Variants in MB21D2 observed in about 807,000 individuals in gnomAD.
MB21D2 encodes Mab-21 domain containing 2.
Under a neutral mutation model 33.3 loss-of-function variants are expected in MB21D2, and 9 were observed. The observed-to-expected ratio is 0.27, with a 90% confidence interval of 0.16 to 0.47. The LOEUF is 0.47. Among genes scored for constraint, MB21D2 ranks in the 20% least tolerant of loss-of-function variants. MB21D2 has a pLI of 0.99. For synonymous variants in MB21D2, 241 were observed against 236.3 expected (o/e 1.02, Z -0.18); for missense variants, 540 against 624.6 (o/e 0.86, Z 1.44).
intron 1 of MB21D2, among the ~76,000 whole-genome samples, chr3:192,829,996 AG>A (rs1712277579): frequency 1.3e-5 from 2 of 152,102 alleles, no homozygotes; most frequent in Non-Finnish European, 2.9e-5. Flanking sequence ...CCAAGTAGGT[AG>A]GACTACAGGT....
chr3:192,913,817 G>GCAAGATCCTGTCT (rs1434620744), intron 1 of MB21D2, among the ~76,000 whole-genome samples: 3 of 152,114 alleles, frequency 2.0e-5, no homozygotes, highest in Non-Finnish European at 4.4e-5. Context: ...GGGCAACGGA[G>GCAAGATCCTGTCT]CAAGATCCTG....
intron 1 of MB21D2, among the ~76,000 whole-genome samples, chr3:192,805,345 A>G (rs1317031660): frequency 6.6e-6 from 1 of 152,164 alleles, no homozygotes; most frequent in African/African-American, 2.4e-5. Context: ...GAAGACAAAA[A>G]CGGAGCTTTC....
Position 192,798,035 on chromosome 3 carries a change from T to C in MB21D2, c.*351A>G, listed in dbSNP as rs1201490697. On this transcript the variant is annotated 3_prime_UTR_variant, in exon 2 of 2. Coordinates refer to ENST00000392452, the MANE Select transcript of MB21D2 (RefSeq NM_178496.4). This position sits in a 1 kb window ranked among gnomAD's most constrained non-coding sequence, Gnocchi z 4.8. ...CGTTAAGCATCAGAAAGAGATTTGT[T>C]TCCCCATACCCATGAACAAATTTGC... 1.1e-5 allele frequency: 2 copies of C among 185,076 alleles called. No homozygotes were observed. Among genetic ancestry groups the C allele is most frequent in the Non-Finnish European group, 2.3e-5 (2 of 88,630 alleles). The allele number at this position is 185,076 out of a possible 1,614,324, so 11.5% of individuals were successfully genotyped here. A position where few individuals can be genotyped will look rare whatever the true frequency, so the allele number is the denominator to read the frequency against.
intron 1 of MB21D2, among the ~76,000 whole-genome samples, chr3:192,903,741 C>T (rs1714149845): frequency 6.6e-6 from 1 of 152,190 alleles, no homozygotes; most frequent in Non-Finnish European, 1.5e-5. Flanking sequence ...GGCAGATCCC[C>T]CATGAATGGC....
intron 1 of MB21D2, among the ~76,000 whole-genome samples, chr3:192,909,750 G>A (rs927478022): frequency 4.6e-5 from 7 of 150,954 alleles, no homozygotes; most frequent in Non-Finnish European, 1.0e-4. Context: ...GGCCAACATG[G>A]CGAAACCCCA....
At chr3:192,916,952 C>T (rs898148422) in intron 1 of MB21D2, among the ~76,000 whole-genome samples, 1 of 152,226 alleles carries the variant, frequency 6.6e-6, no homozygotes, top group African/African-American at 2.4e-5. Context: ...TTAAGAATTC[C>T]GAGCTCAGCG....
chr3:192,809,886 G>A (rs1456566037), intron 1 of MB21D2, among the ~76,000 whole-genome samples: 1 of 152,172 alleles, frequency 6.6e-6, no homozygotes, highest in Non-Finnish European at 1.5e-5. Context: ...AATCACAACA[G>A]CATCCCTGAA....
At chr3:192,861,486 AAGCAGC>A (rs1713040392) in intron 1 of MB21D2, among the ~76,000 whole-genome samples, 2 of 152,232 alleles carry the variant, frequency 1.3e-5, no homozygotes, top group African/African-American at 4.8e-5. Flanking sequence ...TTTGGGAATA[AAGCAGC>A]AGCACAGTGA....
chr3:192,916,826 G>A (rs935959843), intron 1 of MB21D2, among the ~76,000 whole-genome samples: 3 of 152,158 alleles, frequency 2.0e-5, no homozygotes, highest in Admixed American at 6.5e-5. Flanking sequence ...CGACGTCTCC[G>A]CGGTTGGAAA....
intron 1 of MB21D2, among the ~76,000 whole-genome samples, chr3:192,895,391 A>G (rs560188960): frequency 6.6e-6 from 1 of 152,316 alleles, no homozygotes; most frequent in African/African-American, 2.4e-5. Flanking sequence ...AATTACTAAT[A>G]TAAGCATCCG....
chr3:192,900,819 T>C (rs1426771926), intron 1 of MB21D2, among the ~76,000 whole-genome samples: 2 of 152,052 alleles, frequency 1.3e-5, no homozygotes, highest in Non-Finnish European at 2.9e-5. Context: ...CGCCCGCCTG[T>C]AGTCCCACCT....
intron 1 of MB21D2, among the ~76,000 whole-genome samples, chr3:192,889,685 C>T (rs1380026057): frequency 6.6e-6 from 1 of 151,918 alleles, no homozygotes; most frequent in African/African-American, 2.4e-5. Context: ...GACTCTCAAG[C>T]CCAAGCCAAA....
intron 1 of MB21D2, among the ~76,000 whole-genome samples, chr3:192,866,761 G>A (rs1713176313): frequency 6.6e-6 from 1 of 152,104 alleles, no homozygotes; most frequent in Non-Finnish European, 1.5e-5. Context: ...CTCACACCAG[G>A]TAAAAGATAA....
chr3:192,821,285 G>C (rs1303378838), intron 1 of MB21D2, among the ~76,000 whole-genome samples: 3 of 152,156 alleles, frequency 2.0e-5, no homozygotes, highest in Non-Finnish European at 4.4e-5. Flanking sequence ...AAGTTACATA[G>C]TCAGTGGATC....
At chr3:192,891,491 T>C (rs544973006) in intron 1 of MB21D2, among the ~76,000 whole-genome samples, 1 of 152,232 alleles carries the variant, frequency 6.6e-6, no homozygotes, top group South Asian at 2.1e-4. Flanking sequence ...AAGAAAGGTA[T>C]TTGCAAATCC....
chr3:192,891,293 C>T (rs1343523655), intron 1 of MB21D2, among the ~76,000 whole-genome samples: 1 of 152,154 alleles, frequency 6.6e-6, no homozygotes, highest in Non-Finnish European at 1.5e-5. Context: ...AGGCTGCAAG[C>T]CAAATTCAGA....
At chr3:192,834,806 G>GT (rs1442263191) in intron 1 of MB21D2, among the ~76,000 whole-genome samples, 1 of 126,400 alleles carries the variant, frequency 7.9e-6, no homozygotes, top group Non-Finnish European at 1.6e-5. Context: ...TGAGAGGATT[G>GT]TTCTTTTTTT....
chr3:192,827,077 T>A (rs910945655), intron 1 of MB21D2, among the ~76,000 whole-genome samples: 3 of 152,040 alleles, frequency 2.0e-5, no homozygotes, highest in Non-Finnish European at 4.4e-5. Context: ...TGTATTTTTT[T>A]AGTAGAGACG....
At chr3:192,895,662 AT>A (rs1318787430) in intron 1 of MB21D2, among the ~76,000 whole-genome samples, 16 of 152,232 alleles carry the variant, frequency 1.1e-4, no homozygotes, top group Non-Finnish European at 2.9e-5. Flanking sequence ...GCTTTTGTTT[AT>A]TTATAAGACA....
Sources: gnomAD v4.1 joint callset for allele counts (sites outside exome capture counted in the v4.1 genomes callset) on GRCh38, gnomAD v4.1.1 for gene constraint, Gnocchi (gnomAD v3.1) non-coding constraint, MANE v1.5 for transcripts, NCBI Gene and HGNC (gene_info 2026-07-23, HGNC 2026-07-21) for gene names.